CPN1: variants seen among roughly 807,000 people sequenced by gnomAD.
CPN1 encodes the protein carboxypeptidase N subunit 1.
A neutral mutation model predicts 46.4 loss-of-function variants in CPN1; 37 were observed. The ratio of observed to expected loss-of-function variants is 0.80; its 90% CI spans 0.61 to 1.05. The LOEUF (loss-of-function observed/expected upper bound fraction) is 1.05. Among genes scored for constraint, CPN1 ranks in the 50% least tolerant of loss-of-function variants. The probability of loss-of-function intolerance (pLI) is 0.00; values close to 1 mark genes in which losing one functional copy is unlikely to be tolerated. For synonymous variants in CPN1, 224 were observed against 235.4 expected (o/e 0.95, Z 0.44); for missense variants, 563 against 602.6 (o/e 0.93, Z 0.69).
intron 6 of CPN1, among the ~76,000 whole-genome samples, chr10:100,056,015 A>C (rs1352143211): frequency 5.3e-5 from 8 of 152,258 alleles, no homozygotes; most frequent in Admixed American, 4.6e-4. Flanking sequence ...TATATACCCA[A>C]AAGTGGCATT....
At chr10:100,054,590 C>A (rs1407362463) in intron 6 of CPN1, 144 bp from the exon 7 acceptor site, 7 of 693,834 alleles carry the variant, frequency 1.0e-5, no homozygotes, top group African/African-American at 8.8e-5. Context: ...GGTCTCTTTG[C>A]CTCTCTCCCT....
chr10:100,059,105 A>C (rs943357051), intron 5 of CPN1, among the ~76,000 whole-genome samples: 4 of 152,210 alleles, frequency 2.6e-5, no homozygotes, highest in Non-Finnish European at 5.9e-5. Context: ...TATAGGGCAA[A>C]AGCTTCATGA....
chr10:100,068,853 T>C (rs1213117311), intron 3 of CPN1, among the ~76,000 whole-genome samples: 1 of 141,478 alleles, frequency 7.1e-6, no homozygotes, highest in East Asian at 1.9e-4. Flanking sequence ...CCTCTTTCTA[T>C]AGCTAATTGT....
In CPN1 at chr10:100,081,667, A is replaced by C; in HGVS notation, c.-42T>G. On this transcript the variant is annotated 5_prime_UTR_variant, in exon 1 of 9. Transcript: ENST00000370418. ...AAAGAGAGCCACTGAAACGCGCCCC[A>C]CCTCCTTAAACAACCTAGCCTCTTC... 6 of 1,544,412 alleles carry C rather than the reference A, an allele frequency of 3.9e-6. No homozygotes were observed. Among genetic ancestry groups the C allele is most frequent in the East Asian group, 2.3e-5 (1 of 43,974 alleles).
chr10:100,080,747 G>T (rs1589481147), intron 1 of CPN1, among the ~76,000 whole-genome samples: 1 of 152,098 alleles, frequency 6.6e-6, no homozygotes, highest in Non-Finnish European at 1.5e-5. Flanking sequence ...ACAAAAATTA[G>T]CCGGGCGTAT....
At chr10:100,059,171 G>GA (rs1370131596) in intron 5 of CPN1, among the ~76,000 whole-genome samples, 1 of 151,310 alleles carries the variant, frequency 6.6e-6, no homozygotes, top group Non-Finnish European at 1.5e-5. Context: ...GGCAACAAAA[G>GA]AAAAAAAATA....
intron 7 of CPN1, among the ~76,000 whole-genome samples, chr10:100,049,596 C>T (rs756097834): frequency 6.6e-6 from 1 of 151,300 alleles, no homozygotes; most frequent in Admixed American, 6.6e-5. Context: ...AAACAGAGTC[C>T]GGTTCTCACT....
chr10:100,046,418 G>T (rs1386904434), intron 8 of CPN1, among the ~76,000 whole-genome samples: 3 of 152,138 alleles, frequency 2.0e-5, no homozygotes, highest in Admixed American at 6.6e-5. Context: ...GCTGCAGTGA[G>T]CCATGACTGT....
intron 2 of CPN1, among the ~76,000 whole-genome samples, chr10:100,075,014 G>C (rs1041905958): frequency 3.3e-5 from 5 of 152,168 alleles, no homozygotes; most frequent in Non-Finnish European, 5.9e-5. Context: ...GTCCTGCCAG[G>C]CACGGTGGCT....
intron 5 of CPN1, among the ~76,000 whole-genome samples, chr10:100,062,325 G>A (rs1389563311): frequency 6.6e-6 from 1 of 152,178 alleles, no homozygotes; most frequent in Non-Finnish European, 1.5e-5. Flanking sequence ...TCTTGTGGAG[G>A]TTTCTGCTCT....
chr10:100,055,350 C>CCG (rs1480970979), intron 6 of CPN1, among the ~76,000 whole-genome samples: 1 of 137,866 alleles, frequency 7.3e-6, no homozygotes, highest in African/African-American at 2.9e-5. Flanking sequence ...TCTCCATTAT[C>CCG]CCCCCCCCCA....
intron 8 of CPN1, among the ~76,000 whole-genome samples, chr10:100,044,976 G>T (rs562517414): frequency 2.0e-5 from 3 of 152,330 alleles, no homozygotes; most frequent in Admixed American, 6.5e-5. Flanking sequence ...CTCCTGAAGT[G>T]CTGGGATTAC....
chr10:100,048,938 G>T (rs78940928), intron 7 of CPN1, 62 bp from the exon 8 acceptor site: 3 of 1,278,022 alleles, frequency 2.3e-6, no homozygotes, highest in African/African-American at 1.5e-5. Context: ...ATAAGCTAGG[G>T]TTTTTATCTG....
chr10:100,075,060 TG>T (rs1342104163), intron 2 of CPN1, among the ~76,000 whole-genome samples: 2 of 152,002 alleles, frequency 1.3e-5, no homozygotes, highest in African/African-American at 4.8e-5. Context: ...GAGGCTGAGG[TG>T]GGTGGATCAC....
chr10:100,061,420 A>G (rs1226965988), intron 5 of CPN1, among the ~76,000 whole-genome samples: 2 of 152,268 alleles, frequency 1.3e-5, no homozygotes, highest in Admixed American at 6.5e-5. Context: ...TCCATGCATT[A>G]GAATCACCTA....
chr10:100,045,121 T>A (rs1319526636), intron 8 of CPN1, among the ~76,000 whole-genome samples: 1 of 152,234 alleles, frequency 6.6e-6, no homozygotes, highest in Non-Finnish European at 1.5e-5. Flanking sequence ...TTACTGTGTC[T>A]GGAAATTGTA....
At chr10:100,042,628 G>C (rs1010447383) in intron 8 of CPN1, 55 bp from the exon 9 acceptor site, 4 of 1,610,164 alleles carry the variant, frequency 2.5e-6, no homozygotes, top group Non-Finnish European at 3.4e-6. Flanking sequence ...TTTTGCCATA[G>C]TTCCAGTTTC....
Position 100,065,265 on chromosome 10 carries a change from T to C in CPN1, c.682A>G (p.Lys228Glu), listed in dbSNP as rs758380953. Reference protein sequence around the residue: ...GAVVANYPYDKSFEHRVRGVR... With the variant: ...GAVVANYPYDESFEHRVRGVR... The stretch of plus-strand genomic sequence containing the variant: ...CCTCGGACCCGGTGCTCAAAGGACT[T>C]GTCATACGGGTAATTGGCCACCACC... The change falls in exon 4 of 9, where the codon AAG becomes GAG. Residue 228 changes from lysine (K) to glutamate (E), a missense_variant. Coordinates refer to ENST00000370418, the MANE Select transcript of CPN1 (RefSeq NM_001308.3). The C allele has an allele frequency of 3.1e-6, 5 of 1,614,138 alleles. No homozygotes were observed. Among genetic ancestry groups the C allele is most frequent in the Non-Finnish European group, 4.2e-6 (5 of 1,180,022 alleles).
intron 3 of CPN1, among the ~76,000 whole-genome samples, chr10:100,067,582 T>G (rs754191289): frequency 1.3e-5 from 2 of 152,256 alleles, no homozygotes; most frequent in Non-Finnish European, 2.9e-5. Context: ...GCTTTGCTTT[T>G]CTTTCCCCAG....
Sources: gnomAD v4.1 joint callset for allele counts (sites outside exome capture counted in the v4.1 genomes callset) on GRCh38, gnomAD v4.1.1 for gene constraint, MANE v1.5 for transcripts, NCBI Gene and HGNC (gene_info 2026-07-23, HGNC 2026-07-21) for gene names.